ATXN10: variants seen among roughly 807,000 people sequenced by gnomAD.
ATXN10 encodes ataxin 10.
ATXN10 carries 28 observed loss-of-function variants against 52.9 expected under a neutral mutation model. That is an observed-to-expected ratio of 0.53 (90% CI 0.39 to 0.73). The LOEUF (loss-of-function observed/expected upper bound fraction) is 0.73, where lower values mean the gene tolerates loss of function less well. ATXN10 is among the 30% of genes least tolerant of loss of function. ATXN10 has a pLI of 0.00. For synonymous variants in ATXN10, 226 were observed against 221.5 expected (o/e 1.02, Z -0.18); for missense variants, 565 against 577.0 (o/e 0.98, Z 0.21).
At position 45,740,469 on chromosome 22, in the gene ATXN10, T is replaced by A. The variant is rs1023989017; in HGVS notation, c.1104T>A (p.Asn368Lys). 1 of 1,613,762 alleles carries A rather than the reference T, an allele frequency of 6.2e-7. No homozygotes were observed. The highest frequency in any genetic ancestry group is 1.3e-5 in the African/African-American group (1 of 74,860). ...RAEGDISNVA[N>K]GFKSHLIRLI... ...AAGGTGACATCTCCAATGTGGCCAATGGGTTTAAGTCTCATCTCATTCGTC... is the reference window on the plus strand; with the variant it reads ...AAGGTGACATCTCCAATGTGGCCAAAGGGTTTAAGTCTCATCTCATTCGTC... Residue 368 changes from asparagine (N) to lysine (K), a missense_variant, in exon 9 of 12, where the codon AAT (asparagine) becomes AAA (lysine). Asn to Lys is a moderately conservative substitution (Grantham distance 94). Transcript: ENST00000252934.
intron 1 of ATXN10, chr22:45,676,551 C>G (rs931388137): frequency 1.1e-4 from 17 of 149,308 alleles, no homozygotes; most frequent in African/African-American, 4.2e-4. Context: ...GTGATCTTGG[C>G]TCACTGCAAC....
intron 6 of ATXN10, among the ~76,000 whole-genome samples, chr22:45,726,134 C>T (rs1924859149): frequency 6.6e-6 from 1 of 152,078 alleles, no homozygotes; most frequent in African/African-American, 2.4e-5. Context: ...ATGTCCTTTA[C>T]TGCTTTTGGT....
At chr22:45,803,280 G>A (rs893337269) in intron 9 of ATXN10, among the ~76,000 whole-genome samples, 9 of 152,110 alleles carry the variant, frequency 5.9e-5, no homozygotes, top group African/African-American at 1.9e-4. Context: ...TCCCTATGCC[G>A]CACTGCCTCC....
chr22:45,693,431 C>T (rs188949385), intron 3 of ATXN10, among the ~76,000 whole-genome samples: 5 of 152,190 alleles, frequency 3.3e-5, no homozygotes, highest in Admixed American at 2.0e-4. Flanking sequence ...GGGCTGCTCT[C>T]GTCTTCATAG....
In ATXN10 at chr22:45,718,505, A is replaced by G. The variant is rs774123640; in HGVS notation, c.728+12A>G. 217 of 1,609,782 alleles carry G rather than the reference A, an allele frequency of 1.3e-4. No homozygotes were observed. The highest frequency in any genetic ancestry group is 1.7e-4 in the Non-Finnish European group (205 of 1,176,254). On this transcript the variant is annotated intron_variant, in intron 6 of 11. Coordinates refer to ENST00000252934, the MANE Select transcript of ATXN10 (RefSeq NM_013236.4). The surrounding 1 kb of genome is among the most constrained non-coding windows in gnomAD (Gnocchi z 4.4). ...AACAATCAAGAAAGGTAACCCCCCA[A>G]CCAGCGTGGTCTGGAGTATTTAGCA... is the stretch of plus-strand genomic sequence containing the variant.
At position 45,780,240 on chromosome 22, in the gene ATXN10, C is replaced by T. The variant is rs990078944; in HGVS notation, c.1174-26719C>T. 6.6e-6 allele frequency among the ~76,000 whole-genome samples: 1 copy of T among 152,152 alleles called. No homozygotes were observed. The highest frequency in any genetic ancestry group is 1.5e-5 in the Non-Finnish European group (1 of 68,026). ...CTGGGATTACAGGCGTGTGCCACCA[C>T]GCCCAGCTAATTTTTGTATTTTTAG... On this transcript the variant is annotated intron_variant, in intron 9 of 11. Transcript: ENST00000252934. The surrounding 1 kb of genome is among the most constrained non-coding windows in gnomAD (Gnocchi z 4.0).
intron 6 of ATXN10, among the ~76,000 whole-genome samples, chr22:45,725,209 G>C (rs1389793016): frequency 3.3e-5 from 5 of 152,102 alleles, no homozygotes; most frequent in Non-Finnish European, 7.4e-5. Flanking sequence ...TTGGTATTTT[G>C]ATAGGAATTG....
intron 9 of ATXN10, among the ~76,000 whole-genome samples, chr22:45,741,007 C>A (rs906958564): frequency 6.6e-6 from 1 of 151,916 alleles, no homozygotes; most frequent in African/African-American, 2.4e-5. Context: ...TTTTAGAAAC[C>A]TCTTATGTGC....
chr22:45,794,323 A>G (rs560841653), intron 9 of ATXN10, among the ~76,000 whole-genome samples: 3 of 151,786 alleles, frequency 2.0e-5, no homozygotes, highest in East Asian at 3.9e-4. Flanking sequence ...CAATTTTAAC[A>G]TTTTCTGTCT....
chr22:45,817,082 A>T (rs1248127179), intron 10 of ATXN10, among the ~76,000 whole-genome samples: 2 of 152,158 alleles, frequency 1.3e-5, no homozygotes, highest in African/African-American at 4.8e-5. Context: ...GTCTGCTTTA[A>T]TATCTCATTT....
At chr22:45,815,729 G>T (rs1465392329) in intron 10 of ATXN10, among the ~76,000 whole-genome samples, 1 of 152,078 alleles carries the variant, frequency 6.6e-6, no homozygotes, top group Non-Finnish European at 1.5e-5. Flanking sequence ...AAGCTCTCCT[G>T]GCTTGTGATG....
At chr22:45,694,976 A>T (rs1235133291) in intron 3 of ATXN10, among the ~76,000 whole-genome samples, 1 of 145,016 alleles carries the variant, frequency 6.9e-6, no homozygotes, top group East Asian at 2.0e-4. Context: ...ACAAAACCCC[A>T]GAAAATTTTA....
At chr22:45,720,562 T>C (rs778841626) in intron 6 of ATXN10, among the ~76,000 whole-genome samples, 8 of 152,182 alleles carry the variant, frequency 5.3e-5, no homozygotes, top group Non-Finnish European at 1.2e-4. Context: ...CACATTGCTG[T>C]GCAGTGAACC....
rs1458971289 is a variant in ATXN10, at chr22:45,732,990, T to C, written c.894+3400T>C. The stretch of plus-strand genomic sequence containing the variant: ...CTTTAAAATCCCAAGGTTTTCTTCA[T>C]ACGTTTCTTTATAAAAATAGTTTTG... On this transcript the variant is annotated intron_variant, in intron 7 of 11. Transcript: ENST00000252934. This position sits in a 1 kb window ranked among gnomAD's most constrained non-coding sequence, Gnocchi z 4.5. Among the ~76,000 whole-genome samples, 3 of 152,264 alleles carry C rather than the reference T, an allele frequency of 2.0e-5. No individual in the cohort carries two copies.
rs188139308 is a variant in ATXN10, at chr22:45,686,773, C to T, written c.117-2939C>T. 2.9e-3 allele frequency among the ~76,000 whole-genome samples: 437 copies of T among 149,122 alleles called. 2 individuals carry two copies. Among genetic ancestry groups the T allele is most frequent in the South Asian group, 8.9e-3 (42 of 4,736 alleles). On this transcript the variant is annotated intron_variant, in intron 1 of 11. Coordinates refer to ENST00000252934, the MANE Select transcript of ATXN10 (RefSeq NM_013236.4). ...GGTGGAGGTTGCAGTGAGCTGAGAT[C>T]ACGCTACTGCACTCCAGCCTGGGCA...
rs73889616 is a variant in ATXN10, at chr22:45,789,407, G to A, written c.1174-17552G>A. ...AATCATTGTTAAGTATCTCGGGACCGGGCAAGGGATGCAAGGATGAGTGGA... is the reference window on the plus strand; with the variant it reads ...AATCATTGTTAAGTATCTCGGGACCAGGCAAGGGATGCAAGGATGAGTGGA... On this transcript the variant is annotated intron_variant, in intron 9 of 11. Transcript: ENST00000252934. This position sits in a 1 kb window ranked among gnomAD's most constrained non-coding sequence, Gnocchi z 4.0. Among the ~76,000 whole-genome samples the A allele has an allele frequency of 3.0e-3, 449 of 152,152 alleles. 4 individuals are homozygous for A. The highest frequency in any genetic ancestry group is 0.01 in the African/African-American group (426 of 41,520).
chr22:45,748,490 G>A lies in ATXN10; in HGVS notation c.1173+7952G>A, dbSNP rs190996211. On this transcript the variant is annotated intron_variant, in intron 9 of 11. Coordinates refer to ENST00000252934, the MANE Select transcript of ATXN10 (RefSeq NM_013236.4). ...TAGGATGAGAGTAATTTTGATTCTT[G>A]TCATAAATGTTTTCTGACTTGAATT... 4.9e-3 allele frequency among the ~76,000 whole-genome samples: 741 copies of A among 152,182 alleles called. 5 individuals are homozygous for A. Among genetic ancestry groups the A allele is most frequent in the Non-Finnish European group, 7.7e-3 (523 of 68,004 alleles).
At chr22:45,751,636 T>G (rs1925953323) in intron 9 of ATXN10, among the ~76,000 whole-genome samples, 1 of 151,666 alleles carries the variant, frequency 6.6e-6, no homozygotes, top group Admixed American at 6.6e-5. Context: ...CTAATGAAAA[T>G]CTGACTGTGA....
intron 10 of ATXN10, among the ~76,000 whole-genome samples, chr22:45,821,219 T>C (rs773617251): frequency 6.6e-6 from 1 of 152,096 alleles, no homozygotes; most frequent in Non-Finnish European, 1.5e-5. Flanking sequence ...AAAGCACTTG[T>C]AGAAACGAGT....
Sources: gnomAD v4.1 joint callset for allele counts (sites outside exome capture counted in the v4.1 genomes callset) on GRCh38, gnomAD v4.1.1 for gene constraint, Gnocchi (gnomAD v3.1) non-coding constraint, MANE v1.5 for transcripts, NCBI Gene and HGNC (gene_info 2026-07-23, HGNC 2026-07-21) for gene names.